EHHADH: variants seen among roughly 807,000 people sequenced by gnomAD.
EHHADH encodes the protein enoyl-CoA hydratase and 3-hydroxyacyl CoA dehydrogenase.
A neutral mutation model predicts 64.4 loss-of-function variants in EHHADH; 48 were observed. The ratio of observed to expected loss-of-function variants is 0.75; its 90% CI spans 0.59 to 0.95. EHHADH has a LOEUF of 0.95. Among genes scored for constraint, EHHADH ranks in the 40% least tolerant of loss-of-function variants. The pLI, the probability that EHHADH is intolerant of heterozygous loss-of-function variation, is 0.00. For synonymous variants in EHHADH, 308 were observed against 326.7 expected, an observed-to-expected ratio of 0.94 and a Z score of 0.62; for missense variants, 854 against 876.6, an observed-to-expected ratio of 0.97 and a Z score of 0.33.
At chr3:185,249,819 C>T (rs995956782) in intron 1 of EHHADH, among the ~76,000 whole-genome samples, 8 of 151,754 alleles carry the variant, frequency 5.3e-5, no homozygotes, top group African/African-American at 1.7e-4. Context: ...ATTTTCCAGC[C>T]TGCTTTACAG....
At chr3:185,202,847 T>C (rs1026347855) in intron 6 of EHHADH, among the ~76,000 whole-genome samples, 2 of 152,128 alleles carry the variant, frequency 1.3e-5, no homozygotes, top group East Asian at 3.9e-4. Flanking sequence ...ACCACTGTGC[T>C]AGACAGCTGG....
chr3:185,213,119 CAAAAAAAAAAA>C (rs550233979), intron 5 of EHHADH, among the ~76,000 whole-genome samples: 3 of 43,038 alleles, frequency 7.0e-5, no homozygotes, highest in Admixed American at 4.0e-4. Context: ...GACTCTGTCT[CAAAAAAAAAAA>C]AAAAAAAAAA....
chr3:185,233,295 T>C (rs1719187452), intron 3 of EHHADH, among the ~76,000 whole-genome samples: 1 of 152,200 alleles, frequency 6.6e-6, no homozygotes, highest in Non-Finnish European at 1.5e-5. Flanking sequence ...AACTACATTG[T>C]CATAAATTAA....
In EHHADH at chr3:185,198,449, G is replaced by A. The variant is rs930834658; in HGVS notation, c.911-4962C>T. On this transcript the variant is annotated intron_variant, in intron 6 of 6. Coordinates refer to ENST00000231887, the MANE Select transcript of EHHADH (RefSeq NM_001966.4). ...TTGGCCAGGCTGGTCTCGAACTCCT[G>A]ACCTCAGGTGATCCACCCACCTTGG... Among the ~76,000 whole-genome samples, 41 of 151,652 alleles carry A rather than the reference G, an allele frequency of 2.7e-4. 1 individual carries two copies. The highest frequency in any genetic ancestry group is 8.8e-5 in the Non-Finnish European group (6 of 67,940).
intron 3 of EHHADH, among the ~76,000 whole-genome samples, chr3:185,232,254 C>G (rs1719155875): frequency 6.6e-6 from 1 of 152,122 alleles, no homozygotes; most frequent in African/African-American, 2.4e-5. Flanking sequence ...ATCTCTACCT[C>G]TTTACTTATT....
chr3:185,199,691 A>G (rs534336664), intron 6 of EHHADH, among the ~76,000 whole-genome samples: 1 of 152,390 alleles, frequency 6.6e-6, no homozygotes, highest in South Asian at 2.1e-4. Flanking sequence ...ATTTTATTGG[A>G]ACACAAGGTT....
intron 5 of EHHADH, among the ~76,000 whole-genome samples, chr3:185,210,136 T>C (rs542805629): frequency 4.4e-4 from 67 of 152,266 alleles, no homozygotes; most frequent in African/African-American, 1.0e-3. Flanking sequence ...ATCTATGCCA[T>C]GTAACAGGGC....
At chr3:185,252,927 A>T (rs1392724891) in intron 1 of EHHADH, among the ~76,000 whole-genome samples, 1 of 152,100 alleles carries the variant, frequency 6.6e-6, no homozygotes, top group East Asian at 1.9e-4. Flanking sequence ...AGGCTGACAT[A>T]TAATTATTTT....
chr3:185,252,529 T>C (rs1719778719), intron 1 of EHHADH, among the ~76,000 whole-genome samples: 2 of 152,130 alleles, frequency 1.3e-5, no homozygotes, highest in Non-Finnish European at 1.5e-5. Flanking sequence ...CTAATCAGTA[T>C]ATAGACCAGT....
chr3:185,227,507 G>T (rs1719011485), intron 4 of EHHADH, among the ~76,000 whole-genome samples: 1 of 150,656 alleles, frequency 6.6e-6, no homozygotes, highest in Admixed American at 6.6e-5. Context: ...ATCCCCGTCT[G>T]GGCAACAAGA....
At chr3:185,244,995 A>G (rs1273558469) in intron 2 of EHHADH, among the ~76,000 whole-genome samples, 1 of 152,200 alleles carries the variant, frequency 6.6e-6, no homozygotes, top group African/African-American at 2.4e-5. Context: ...TTTACAGTAG[A>G]CCTTGCCAGT....
Position 185,233,539 on chromosome 3 carries a change from T to G in EHHADH, c.351+1751A>C, listed in dbSNP as rs555701588. On this transcript the variant is annotated intron_variant, in intron 3 of 6. Coordinates refer to ENST00000231887, the MANE Select transcript of EHHADH (RefSeq NM_001966.4). ...AATATAAGTGTATTAAGTTCTCTAA[T>G]TAAAAGACAGAGATTGGCAGAATAA... 1.1e-4 allele frequency among the ~76,000 whole-genome samples: 17 copies of G among 152,310 alleles called. No individual in the cohort carries two copies. The South Asian group carries it at 3.5e-3, about 32-fold the overall frequency.
At chr3:185,200,713 T>G (rs541585759) in intron 6 of EHHADH, among the ~76,000 whole-genome samples, 1 of 152,308 alleles carries the variant, frequency 6.6e-6, no homozygotes, top group East Asian at 1.9e-4. Context: ...TAAGGATGTT[T>G]TAAATGTTAG....
chr3:185,228,257 A>AAAAAATATATATATAT (rs1367786172), intron 4 of EHHADH, among the ~76,000 whole-genome samples: 3 of 22,004 alleles, frequency 1.4e-4, no homozygotes, highest in Non-Finnish European at 3.2e-4. Context: ...AAAAAAAAAA[A>AAAAAATATATATATAT]ATATATATAT....
rs746403021 is a variant in EHHADH, at chr3:185,192,216, G to A, written c.*10C>T. The A allele has an allele frequency of 1.9e-5, 31 of 1,607,162 alleles. No individual in the cohort carries two copies. In the African/African-American group the frequency reaches 2.6e-4, roughly 13 times the overall value. On this transcript the variant is annotated 3_prime_UTR_variant, in exon 7 of 7. Coordinates refer to ENST00000231887, the MANE Select transcript of EHHADH (RefSeq NM_001966.4). ...ATGCTAGCATGTGAGGCATAATCTG[G>A]AAGACTGAATCACAATTTACTGCTA... is the stretch of plus-strand genomic sequence containing the variant.
intron 4 of EHHADH, among the ~76,000 whole-genome samples, chr3:185,223,597 T>C (rs1718893473): frequency 6.6e-6 from 1 of 152,166 alleles, no homozygotes; most frequent in South Asian, 2.1e-4. Flanking sequence ...CTAAAAAATG[T>C]ATAGCGAAAA....
intron 1 of EHHADH, 171 bp downstream of exon 1, chr3:185,253,778 A>T: frequency 7.5e-7 from 1 of 1,332,124 alleles, no homozygotes; most frequent in Non-Finnish European, 9.7e-7. Context: ...AAAAAAAAAG[A>T]AAAGAAAAAG....
chr3:185,207,513 G>T (rs1378115388), intron 5 of EHHADH, among the ~76,000 whole-genome samples: 3 of 152,212 alleles, frequency 2.0e-5, no homozygotes, highest in African/African-American at 7.2e-5. Flanking sequence ...ACTAAAGAAT[G>T]CAGTGTTCTC....
chr3:185,227,832 A>G (rs1719029506), intron 4 of EHHADH, among the ~76,000 whole-genome samples: 2 of 152,134 alleles, frequency 1.3e-5, no homozygotes, highest in South Asian at 4.1e-4. Flanking sequence ...ATCTCAAGAA[A>G]GAAATTATTA....
Sources: gnomAD v4.1 joint callset for allele counts (sites outside exome capture counted in the v4.1 genomes callset) on GRCh38, gnomAD v4.1.1 for gene constraint, MANE v1.5 for transcripts, NCBI Gene and HGNC (gene_info 2026-07-23, HGNC 2026-07-21) for gene names.